Variants in PGPEP1L observed in about 807,000 individuals in gnomAD.
PGPEP1L encodes pyroglutamyl-peptidase I like.
A neutral mutation model predicts 6.0 loss-of-function variants in PGPEP1L; 7 were observed. That is an observed-to-expected ratio of 1.17 (90% confidence interval 0.66 to 2.19). PGPEP1L has a LOEUF of 2.19. PGPEP1L is among the 30% of genes most tolerant of loss of function. PGPEP1L has a pLI of 0.00. For missense variants in PGPEP1L, 209 were observed against 192.5 expected (o/e 1.09, Z -0.51); for synonymous variants, 103 against 83.9 (o/e 1.23, Z -1.24).
At chr15:98,981,545 T>C (rs1596517101) in intron 2 of PGPEP1L, among the ~76,000 whole-genome samples, 2 of 147,338 alleles carry the variant, frequency 1.4e-5, no homozygotes, top group Admixed American at 6.8e-5. Flanking sequence ...ACTAGGTAAG[T>C]CTGAGAAATG....
rs114600513 is a variant in PGPEP1L at position 98,977,766 on chromosome 15, C to A, written c.-141-6608G>T. On this transcript the variant is annotated intron_variant, in intron 2 of 4. Transcript: ENST00000535714. ...GTTCTGTCCGTTATTGAGAGGGGTA[C>A]TGAAATCGTTGACTATTAACTGTGA... Among the ~76,000 whole-genome samples the A allele has an allele frequency of 3.3e-3, 501 of 152,320 alleles. 1 individual carries two copies. Among genetic ancestry groups the A allele is most frequent in the African/African-American group, 0.011 (447 of 41,568 alleles).
intron 2 of PGPEP1L, among the ~76,000 whole-genome samples, chr15:98,975,921 TAAG>T (rs1240312637): frequency 6.7e-6 from 1 of 150,082 alleles, no homozygotes; most frequent in African/African-American, 2.5e-5. Flanking sequence ...TATTATGTAT[TAAG>T]AAAAAAATTG....
At chr15:98,986,749 C>G (rs2017752566) in intron 2 of PGPEP1L, among the ~76,000 whole-genome samples, 1 of 152,100 alleles carries the variant, frequency 6.6e-6, no homozygotes, top group Non-Finnish European at 1.5e-5. Context: ...TGTGCTAACT[C>G]CAGATAATTA....
chr15:98,973,379 G>T (rs2017525826), intron 2 of PGPEP1L, among the ~76,000 whole-genome samples: 1 of 152,214 alleles, frequency 6.6e-6, no homozygotes, highest in South Asian at 2.1e-4. Flanking sequence ...GACGTTTACA[G>T]AACACTCCAT....
At chr15:99,005,104 G>A (rs1340315656) in intron 2 of PGPEP1L, among the ~76,000 whole-genome samples, 37 of 152,228 alleles carry the variant, frequency 2.4e-4, no homozygotes, top group Non-Finnish European at 5.4e-4. Context: ...CCCCACTCAG[G>A]GAAAACAGGT....
chr15:99,005,102 A>G (rs1446820502), intron 2 of PGPEP1L, among the ~76,000 whole-genome samples: 1 of 152,108 alleles, frequency 6.6e-6, no homozygotes, highest in Non-Finnish European at 1.5e-5. Context: ...GGCCCCACTC[A>G]GGGAAAACAG....
intron 2 of PGPEP1L, among the ~76,000 whole-genome samples, chr15:98,984,137 A>C (rs1247181546): frequency 6.6e-6 from 1 of 151,200 alleles, no homozygotes; most frequent in Non-Finnish European, 1.5e-5. Flanking sequence ...CAGCCTCCCA[A>C]GTAGCTGGGA....
At chr15:99,006,079 G>A (rs1555473592) in intron 1 of PGPEP1L, among the ~76,000 whole-genome samples, 1 of 152,194 alleles carries the variant, frequency 6.6e-6, no homozygotes, top group Non-Finnish European at 1.5e-5. Context: ...ATCTTATGGC[G>A]CCTGCCTTTA....
Position 99,006,707 on chromosome 15 carries a change from C to G in PGPEP1L, c.-370+652G>C, listed in dbSNP as rs1314195804. Among the ~76,000 whole-genome samples the G allele has an allele frequency of 1.3e-4, 20 of 152,184 alleles. 2 individuals carry two copies. ...GTATATGCCCATAGTCCTGGCTTCT[C>G]AGGGAGGCTGAAGCGGGAGGATCAC... is the stretch of plus-strand genomic sequence containing the variant. On this transcript the variant is annotated intron_variant, in intron 1 of 4. Coordinates refer to ENST00000535714, the MANE Select transcript of PGPEP1L (RefSeq NM_001167902.2).
chr15:99,005,904 A>G (rs1459544643), intron 1 of PGPEP1L, among the ~76,000 whole-genome samples: 1 of 152,198 alleles, frequency 6.6e-6, no homozygotes, highest in African/African-American at 2.4e-5. Context: ...GGGCTACCCT[A>G]CAAGTCGTTT....
chr15:98,979,633 C>CTTTTTTTTTTTTTTTT (rs568793204), intron 2 of PGPEP1L, among the ~76,000 whole-genome samples: 2 of 46,466 alleles, frequency 4.3e-5, no homozygotes, highest in Non-Finnish European at 9.4e-5. Context: ...GGAGACTATT[C>CTTTTTTTTTTTTTTTT]TTTTTTTTTT....
chr15:98,982,765 C>T (rs1481349199), intron 2 of PGPEP1L, among the ~76,000 whole-genome samples: 10 of 129,608 alleles, frequency 7.7e-5, no homozygotes, highest in Admixed American at 3.9e-4. Context: ...GGCTGGAGTG[C>T]GGGGGCATGA....
chr15:98,991,474 C>T lies in PGPEP1L; in HGVS notation c.-142+13955G>A, dbSNP rs531199176. On this transcript the variant is annotated intron_variant, in intron 2 of 4. Transcript: ENST00000535714. Reference sequence around the variant, plus strand: ...AATTGAGGCACTAATTGATAGCCTACCAACTAAAAATAGTCCAGGACCAGA... The same window carrying T: ...AATTGAGGCACTAATTGATAGCCTATCAACTAAAAATAGTCCAGGACCAGA... Among the ~76,000 whole-genome samples the T allele has an allele frequency of 7.9e-5, 12 of 152,234 alleles. No homozygotes were observed. The South Asian group carries it at 2.5e-3, about 32-fold the overall frequency.
At chr15:98,980,034 G>A (rs2017634844) in intron 2 of PGPEP1L, among the ~76,000 whole-genome samples, 1 of 152,134 alleles carries the variant, frequency 6.6e-6, no homozygotes, top group Non-Finnish European at 1.5e-5. Flanking sequence ...GACTCGATGG[G>A]AAAGGGTGGG....
chr15:98,978,654 C>G (rs12905439), intron 2 of PGPEP1L, among the ~76,000 whole-genome samples: 34,937 of 150,020 alleles, frequency 0.23, 5,377 homozygotes, highest in Non-Finnish European at 0.35. Context: ...AGTAACCTGC[C>G]TGATTTCCAG....
rs369749842 is a variant in PGPEP1L at position 98,982,700 on chromosome 15, C to CTTTTTTTTTTTTTTT, written c.-141-11557_-141-11543dup. 2.0e-3 allele frequency among the ~76,000 whole-genome samples: 104 copies of CTTTTTTTTTTTTTTT among 52,500 alleles called. 21 individuals carry two copies. The highest frequency in any genetic ancestry group is 0.031 in the Middle Eastern group (2 of 64). 34.4% of individuals were successfully genotyped at this position (52,500 alleles called of 152,430 possible). A position where few individuals can be genotyped will look rare whatever the true frequency, so the allele number is the denominator to read the frequency against. On this transcript the variant is annotated intron_variant, in intron 2 of 4. Transcript: ENST00000535714. ...TCACTCTGGTTATTTTTATCTGAGG[C>CTTTTTTTTTTTTTTT]TTTTTTTTTTTTTTTTTTTTTTTTT...
intron 2 of PGPEP1L, chr15:99,001,206 A>C (rs1555472973): frequency 9.7e-6 from 4 of 413,624 alleles, no homozygotes; most frequent in Non-Finnish European, 1.5e-5. Context: ...CCGCGGCTTC[A>C]TTCTTGAAGT....
intron 2 of PGPEP1L, among the ~76,000 whole-genome samples, chr15:98,996,828 C>G (rs1596526199): frequency 1.3e-5 from 2 of 152,118 alleles, no homozygotes; most frequent in South Asian, 2.1e-4. Flanking sequence ...TTGCCTGCAG[C>G]TAAGAACCTT....
In PGPEP1L at chr15:98,985,493, G is replaced by A. The variant is rs1457904041; in HGVS notation, c.-141-14335C>T. On this transcript the variant is annotated intron_variant, in intron 2 of 4. Coordinates refer to ENST00000535714, the MANE Select transcript of PGPEP1L (RefSeq NM_001167902.2). ...GCGGAAGTTGCAGTGAGCCAAGATG[G>A]TGCCACTGCACTCCAGCCTGGGCAA... is the stretch of plus-strand genomic sequence containing the variant. Among the ~76,000 whole-genome samples, 5 of 152,308 alleles carry A rather than the reference G, an allele frequency of 3.3e-5. No individual in the cohort carries two copies. The East Asian group carries it at 9.7e-4, about 29-fold the overall frequency.
Sources: gnomAD v4.1 joint callset for allele counts (sites outside exome capture counted in the v4.1 genomes callset) on GRCh38, gnomAD v4.1.1 for gene constraint, MANE v1.5 for transcripts, NCBI Gene and HGNC (gene_info 2026-07-23, HGNC 2026-07-21) for gene names.